SKAP1: variants seen among roughly 807,000 people sequenced by gnomAD.
The protein encoded by SKAP1 is src kinase associated phosphoprotein 1, also known as src kinase-associated phosphoprotein 1.
Under a neutral mutation model 58.5 loss-of-function variants are expected in SKAP1, and 44 were observed. That is an observed-to-expected ratio of 0.75 (90% confidence interval 0.59 to 0.97). The LOEUF (loss-of-function observed/expected upper bound fraction) is 0.97, where lower values mean the gene tolerates loss of function less well. Ranked by LOEUF, SKAP1 falls within the 50% of genes least tolerant of loss-of-function variation. SKAP1 has a pLI of 0.00. For synonymous variants in SKAP1, 127 were observed against 149.7 expected (o/e 0.85, Z 1.11); for missense variants, 390 against 435.2 (o/e 0.90, Z 0.92).
intron 2 of SKAP1, among the ~76,000 whole-genome samples, chr17:48,373,346 A>G (rs1259528953): frequency 6.6e-6 from 1 of 152,170 alleles, no homozygotes; most frequent in Non-Finnish European, 1.5e-5. Context: ...ATCTGCTCCC[A>G]CGATCTAATC....
At chr17:48,442,841 T>A in the SKAP1 span, among the ~76,000 whole-genome samples, 2 of 152,204 alleles carry the variant, frequency 1.3e-5, no homozygotes, top group African/African-American at 2.4e-5. Flanking sequence ...ATGTCATTTT[T>A]AAAAATCTGC....
At chr17:48,386,649 C>T (rs2067280511) in intron 2 of SKAP1, among the ~76,000 whole-genome samples, 1 of 152,088 alleles carries the variant, frequency 6.6e-6, no homozygotes, top group East Asian at 1.9e-4. Context: ...CCTATAAAGT[C>T]GTGATAATCT....
At chr17:48,443,444 G>A in the SKAP1 span, among the ~76,000 whole-genome samples, 1 of 147,324 alleles carries the variant, frequency 6.8e-6, no homozygotes, top group Admixed American at 6.8e-5. Context: ...TACTGAGTGA[G>A]TGCTACAAGG....
At chr17:48,396,647 TGAA>T in intron 2 of SKAP1, 30 bp downstream of exon 2, 3 of 1,331,424 alleles carry the variant, frequency 2.3e-6, no homozygotes, top group South Asian at 1.2e-5. Flanking sequence ...TTAAAGCTTA[TGAA>T]GAAGATTAAT....
At chr17:48,393,417 G>A (rs1238130422) in intron 2 of SKAP1, among the ~76,000 whole-genome samples, 1 of 152,162 alleles carries the variant, frequency 6.6e-6, no homozygotes, top group African/African-American at 2.4e-5. Context: ...AATAGCTAAA[G>A]TGATTTGTAC....
chr17:48,374,570 G>C (rs1241337042), intron 2 of SKAP1, among the ~76,000 whole-genome samples: 1 of 152,190 alleles, frequency 6.6e-6, no homozygotes, highest in Non-Finnish European at 1.5e-5. Context: ...AAGTTGATAA[G>C]GCTAGGAAAA....
chr17:48,246,840 CT>C (rs543625359), intron 4 of SKAP1, among the ~76,000 whole-genome samples: 266 of 152,340 alleles, frequency 1.7e-3, no homozygotes, highest in African/African-American at 6.2e-3. Flanking sequence ...CATAACTTAT[CT>C]CCCACGTCAT....
rs369659701 is a variant in SKAP1, at chr17:48,323,514, C to G, written c.280+22391G>C. 2.6e-4 allele frequency among the ~76,000 whole-genome samples: 39 copies of G among 152,188 alleles called. No individual in the cohort carries two copies. In the South Asian group the frequency reaches 8.1e-3, roughly 32 times the overall value. On this transcript the variant is annotated intron_variant, in intron 4 of 12. Coordinates refer to ENST00000336915, the MANE Select transcript of SKAP1 (RefSeq NM_003726.4). ...GGCAAACAGGGCACAAAATCCAAGG[C>G]ATTATGATAGAAAGCATTGTGACCT...
chr17:48,345,090 C>T (rs532898858), intron 4 of SKAP1, among the ~76,000 whole-genome samples: 1 of 152,254 alleles, frequency 6.6e-6, no homozygotes, highest in African/African-American at 2.4e-5. Flanking sequence ...ATAAGAAAAC[C>T]ATGCGCATCC....
intron 2 of SKAP1, among the ~76,000 whole-genome samples, chr17:48,382,901 A>G (rs1226739097): frequency 6.6e-6 from 1 of 152,248 alleles, no homozygotes; most frequent in African/African-American, 2.4e-5. Flanking sequence ...AACTGCAGGC[A>G]TGTAATAAAT....
At chr17:48,141,183 G>A (rs2325804) in intron 11 of SKAP1, among the ~76,000 whole-genome samples, 135,103 of 152,052 alleles carry the variant, frequency 0.89, 60,089 homozygotes, top group Admixed American at 0.92. Flanking sequence ...AGTTGCCAAT[G>A]CCTTAGGGTC....
At chr17:48,307,712 T>C (rs1157024335) in intron 4 of SKAP1, 1 of 152,236 alleles carries the variant, frequency 6.6e-6, no homozygotes, top group Non-Finnish European at 1.5e-5. Context: ...AAAATGAACA[T>C]AATTTTAACT....
intron 4 of SKAP1, among the ~76,000 whole-genome samples, chr17:48,263,463 T>C (rs2065505387): frequency 6.6e-6 from 1 of 152,198 alleles, no homozygotes. Context: ...AATATTTAAA[T>C]TTTCTGTATA....
In SKAP1 at chr17:48,142,227, C is replaced by T. The variant is rs973084835; in HGVS notation, c.979-4890G>A. The stretch of plus-strand genomic sequence containing the variant: ...CCTGTAATCCAGCACTTTGGGAGGC[C>T]GAGGTGGGTGGATCACCTGAGGTCA... On this transcript the variant is annotated intron_variant, in intron 11 of 12. Transcript: ENST00000336915. 2.0e-5 allele frequency among the ~76,000 whole-genome samples: 3 copies of T among 152,092 alleles called. No homozygotes were observed. The South Asian group carries it at 6.2e-4, about 31-fold the overall frequency.
At chr17:48,195,545 G>A (rs989403012) in intron 4 of SKAP1, among the ~76,000 whole-genome samples, 6 of 152,274 alleles carry the variant, frequency 3.9e-5, no homozygotes, top group African/African-American at 1.4e-4. Context: ...GATATAGAAA[G>A]CACTCAAACA....
chr17:48,314,483 T>A (rs1207625765), intron 4 of SKAP1, among the ~76,000 whole-genome samples: 1 of 152,182 alleles, frequency 6.6e-6, no homozygotes, highest in Non-Finnish European at 1.5e-5. Context: ...TATCAGCAAT[T>A]AATTTTAATT....
intron 11 of SKAP1, among the ~76,000 whole-genome samples, chr17:48,143,192 T>A (rs1282543677): frequency 6.9e-6 from 1 of 144,924 alleles, no homozygotes; most frequent in Non-Finnish European, 1.5e-5. Flanking sequence ...TCTTTAGCTT[T>A]TTTTTTTTTT....
chr17:48,147,086 C>T (rs1172407284), intron 11 of SKAP1, among the ~76,000 whole-genome samples: 3 of 152,288 alleles, frequency 2.0e-5, no homozygotes, highest in East Asian at 3.9e-4. Flanking sequence ...TCCAAGTCTC[C>T]GTGGAACAAG....
At chr17:48,417,857 C>G (rs900099448) in intron 1 of SKAP1, among the ~76,000 whole-genome samples, 1 of 151,814 alleles carries the variant, frequency 6.6e-6, no homozygotes, top group East Asian at 1.9e-4. Flanking sequence ...ACACCTTAAA[C>G]ATCCATCAAT....
Sources: allele counts gnomAD v4.1 joint callset (sites outside exome capture counted in the v4.1 genomes callset), GRCh38; gene constraint gnomAD v4.1.1; transcripts MANE v1.5; gene names NCBI Gene and HGNC (gene_info 2026-07-23, HGNC 2026-07-21).